The following IL17B variants were observed in gnomAD, a reference collection of about 807,000 sequenced individuals.
The protein encoded by IL17B is interleukin 17B.
IL17B carries 14 observed loss-of-function variants against 14.7 expected under a neutral mutation model. The observed-to-expected ratio is 0.95, with a 90% CI of 0.63 to 1.49. The LOEUF is 1.49. Ranked by LOEUF, IL17B falls within the 40% of genes most tolerant of loss-of-function variation. The pLI is 0.00. For synonymous variants in IL17B, 105 were observed against 94.8 expected (o/e 1.11, Z -0.62); for missense variants, 233 against 252.8 (o/e 0.92, Z 0.53).
upstream of IL17B, among the ~76,000 whole-genome samples, chr5:149,383,983 T>G (rs1284152059): frequency 1.3e-5 from 2 of 152,196 alleles, no homozygotes; most frequent in African/African-American, 4.8e-5. Context: ...GTACCAAGTC[T>G]CTTGTTAGCA....
intron 1 of IL17B, among the ~76,000 whole-genome samples, chr5:149,400,105 C>T (rs761094738): frequency 2.0e-5 from 3 of 152,166 alleles, no homozygotes; most frequent in Non-Finnish European, 4.4e-5. Flanking sequence ...CAGTCCTCAA[C>T]ACCTCAGAAT....
At chr5:149,391,743 T>C (rs1758969849) in intron 1 of IL17B, among the ~76,000 whole-genome samples, 1 of 152,142 alleles carries the variant, frequency 6.6e-6, no homozygotes, top group Non-Finnish European at 1.5e-5. Context: ...TTGAACTGTG[T>C]GCAATGGAGG....
chr5:149,386,261 G>T (rs1758826888), intron 1 of IL17B, among the ~76,000 whole-genome samples: 1 of 152,174 alleles, frequency 6.6e-6, no homozygotes, highest in Non-Finnish European at 1.5e-5. Context: ...TCACAGATGC[G>T]GCTCTCAGCA....
At chr5:149,400,276 G>A (rs60232573) in intron 1 of IL17B, among the ~76,000 whole-genome samples, 15,335 of 151,986 alleles carry the variant, frequency 0.1, 1,231 homozygotes, top group African/African-American at 0.22. Flanking sequence ...GCAGATATCA[G>A]GGCGATACAT....
Position 149,374,402 on chromosome 5 carries a change from C to T in IL17B, c.510G>A (p.Glu170=). ...TGCAGGTGCAGCCCACAGCGATGGT[C>T]TCCATGACTGCGCGCTGGCGGCAAG... The part of the protein sequence containing the change: ...TGPCRQRAVM[E]TIAVGCTCIF The change falls in exon 3 of 3, where the codon GAG becomes GAA. Residue 170 remains glutamate (E), a synonymous_variant. Coordinates refer to ENST00000261796, the MANE Select transcript of IL17B (RefSeq NM_014443.3). This position sits in a 1 kb window ranked among gnomAD's most constrained non-coding sequence, Gnocchi z 5.0. 6.3e-7 allele frequency: 1 copy of T among 1,599,704 alleles called. No homozygotes were observed. The highest frequency in any genetic ancestry group is 1.3e-5 in the African/African-American group (1 of 74,952).
chr5:149,403,712 G>A (rs1344866485), intron 1 of IL17B, among the ~76,000 whole-genome samples: 4 of 151,858 alleles, frequency 2.6e-5, no homozygotes, highest in African/African-American at 4.9e-5. Context: ...AAGCCCATAC[G>A]ATCTCAGGGC....
intron 1 of IL17B, among the ~76,000 whole-genome samples, chr5:149,397,667 T>C (rs1759118455): frequency 6.6e-6 from 1 of 152,200 alleles, no homozygotes. Context: ...TGGATGCGCA[T>C]GTAGATATAT....
chr5:149,388,721 G>T (rs1758877871), intron 1 of IL17B, among the ~76,000 whole-genome samples: 1 of 152,194 alleles, frequency 6.6e-6, no homozygotes, highest in African/African-American at 2.4e-5. Context: ...GTGCAGGCTA[G>T]CAGGGCATGC....
At chr5:149,384,854 C>T (rs1277688950) in intron 1 of IL17B, among the ~76,000 whole-genome samples, 10 of 150,612 alleles carry the variant, frequency 6.6e-5, no homozygotes, top group Non-Finnish European at 1.3e-4. Context: ...CCAGGAGATT[C>T]TAGAAGAGGA....
intron 1 of IL17B, among the ~76,000 whole-genome samples, chr5:149,385,068 C>G: frequency 6.6e-6 from 1 of 152,048 alleles, no homozygotes; most frequent in Middle Eastern, 3.4e-3. Context: ...CATGCGCCAC[C>G]ATGCCCAGCT....
At chr5:149,391,492 G>A (rs148502058) in intron 1 of IL17B, among the ~76,000 whole-genome samples, 61 of 152,300 alleles carry the variant, frequency 4.0e-4, no homozygotes, top group African/African-American at 1.4e-3. Flanking sequence ...AGAATGCAGG[G>A]AATTCTTCCC....
chr5:149,396,421 G>C (rs946208854), intron 1 of IL17B, among the ~76,000 whole-genome samples: 4 of 152,198 alleles, frequency 2.6e-5, no homozygotes, highest in Non-Finnish European at 5.9e-5. Context: ...GTTAGATTTA[G>C]AGTTAATATA....
chr5:149,400,708 C>T (rs1032035578), intron 1 of IL17B, among the ~76,000 whole-genome samples: 2 of 152,148 alleles, frequency 1.3e-5, no homozygotes, highest in Admixed American at 1.3e-4. Context: ...ATTATAAAGG[C>T]CAGCAAGTCC....
chr5:149,380,860 T>C (rs749310640), upstream of IL17B, among the ~76,000 whole-genome samples: 2 of 152,182 alleles, frequency 1.3e-5, no homozygotes, highest in Non-Finnish European at 2.9e-5. Context: ...TGGCTGGGGC[T>C]CGAGCATGAG....
At chr5:149,403,883 A>C (rs2127624153) in intron 1 of IL17B, among the ~76,000 whole-genome samples, 1 of 152,266 alleles carries the variant, frequency 6.6e-6, no homozygotes. Context: ...ATCTTCCTAA[A>C]GGTTCCAACT....
chr5:149,397,246 T>A (rs1174694743), intron 1 of IL17B, among the ~76,000 whole-genome samples: 1 of 152,220 alleles, frequency 6.6e-6, no homozygotes, highest in African/African-American at 2.4e-5. Context: ...CTCTGCTCAC[T>A]GCAACATCTA....
At chr5:149,402,773 G>A (rs182373646) in intron 1 of IL17B, among the ~76,000 whole-genome samples, 3 of 151,520 alleles carry the variant, frequency 2.0e-5, no homozygotes, top group African/African-American at 4.8e-5. Context: ...AGAGGCCGAG[G>A]CGGGCGGATC....
intron 1 of IL17B, among the ~76,000 whole-genome samples, chr5:149,393,606 T>C (rs1287425203): frequency 6.6e-6 from 1 of 152,206 alleles, no homozygotes; most frequent in East Asian, 1.9e-4. Flanking sequence ...TATAGTGTAA[T>C]TATTTTTGGG....
intron 1 of IL17B, among the ~76,000 whole-genome samples, chr5:149,398,255 A>G (rs1759132233): frequency 6.6e-6 from 1 of 152,216 alleles, no homozygotes; most frequent in Non-Finnish European, 1.5e-5. Flanking sequence ...GACTTTAGAT[A>G]TTAGAGATTT....
Sources: allele counts gnomAD v4.1 joint callset (sites outside exome capture counted in the v4.1 genomes callset), GRCh38; gene constraint gnomAD v4.1.1; non-coding constraint Gnocchi (gnomAD v3.1); transcripts MANE v1.5; gene names NCBI Gene and HGNC (gene_info 2026-07-23, HGNC 2026-07-21).